The following AFF2 variants were observed in gnomAD, a reference collection of about 807,000 sequenced individuals.
AFF2 encodes the protein AF4/FMR2 family member 2.
AFF2 carries 14 observed loss-of-function variants against 76.9 expected under a neutral mutation model. The ratio of observed to expected loss-of-function variants is 0.18; its 90% CI spans 0.12 to 0.28. The LOEUF is 0.28. Among genes scored for constraint, AFF2 ranks in the 10% least tolerant of loss-of-function variants. The pLI is 1.00. For missense variants in AFF2, 868 were observed against 1,001.1 expected (o/e 0.87, Z 1.79); for synonymous variants, 398 against 366.7 (o/e 1.09, Z -0.98).
chrX:148,588,732 GTCT>G (rs782489895), intron 1 of AFF2, among the ~76,000 whole-genome samples: 52 of 111,792 alleles, frequency 4.7e-4, no homozygotes, highest in Non-Finnish European at 9.0e-4. Context: ...CCATGCCACT[GTCT>G]TCTTCTTTTT....
intron 1 of AFF2, among the ~76,000 whole-genome samples, chrX:148,609,182 G>A (rs1222849333): frequency 1.8e-5 from 2 of 111,343 alleles, no homozygotes; most frequent in Admixed American, 1.9e-4. Context: ...GGGTCTGTGA[G>A]AGCTTAATCA....
At chrX:148,537,160 C>A (rs2052794809) in intron 1 of AFF2, among the ~76,000 whole-genome samples, 1 of 112,268 alleles carries the variant, frequency 8.9e-6, no homozygotes, top group Non-Finnish European at 1.9e-5. Context: ...GAATGTGTGT[C>A]TTTCTTGCTT....
At chrX:148,671,201 C>A (rs2054419944) in intron 3 of AFF2, among the ~76,000 whole-genome samples, 1 of 111,296 alleles carries the variant, frequency 9.0e-6, no homozygotes, top group African/African-American at 3.3e-5. Context: ...TGGAAAGAAA[C>A]CAAAAGATTG....
chrX:148,902,988 T>A (rs781947498), intron 8 of AFF2, among the ~76,000 whole-genome samples: 9 of 111,108 alleles, frequency 8.1e-5, no homozygotes, highest in African/African-American at 1.3e-4. Flanking sequence ...ATGTTGAATA[T>A]CACTTGTCAC....
intron 7 of AFF2, among the ~76,000 whole-genome samples, chrX:148,844,497 A>G (rs2070641134): frequency 8.9e-6 from 1 of 112,213 alleles, no homozygotes; most frequent in Admixed American, 9.4e-5. Flanking sequence ...AGAGAGTATC[A>G]AGGGAGTATT....
chrX:148,903,821 CCCATGACCATT>C (rs1557281148), intron 8 of AFF2, among the ~76,000 whole-genome samples: 1 of 111,406 alleles, frequency 9.0e-6, no homozygotes, highest in Non-Finnish European at 1.9e-5. Flanking sequence ...CCAGGATATG[CCCATGACCATT>C]CCGTCTGCAT....
intron 3 of AFF2, among the ~76,000 whole-genome samples, chrX:148,734,799 T>A: frequency 8.9e-6 from 1 of 112,239 alleles, no homozygotes; most frequent in East Asian, 2.8e-4. Flanking sequence ...TGTGCATTTG[T>A]ATTTTTTGTG....
intron 9 of AFF2, among the ~76,000 whole-genome samples, chrX:148,925,156 C>T (rs781869912): frequency 7.1e-5 from 8 of 112,439 alleles, no homozygotes; most frequent in Non-Finnish European, 1.5e-4. Flanking sequence ...CTGTAAATCC[C>T]TATCTGCTAA....
chrX:148,770,338 G>A (rs2069571787), intron 3 of AFF2, among the ~76,000 whole-genome samples: 1 of 111,568 alleles, frequency 9.0e-6, no homozygotes, highest in Non-Finnish European at 1.9e-5. Flanking sequence ...TGGACATCCT[G>A]AATTTGAAAA....
chrX:148,838,045 G>A (rs1486919530), intron 5 of AFF2, among the ~76,000 whole-genome samples: 2 of 111,639 alleles, frequency 1.8e-5, no homozygotes, highest in African/African-American at 6.5e-5. Context: ...TGATGGAACA[G>A]CAACGTTCAA....
chrX:148,701,210 G>A (rs2054794662), intron 3 of AFF2, among the ~76,000 whole-genome samples: 1 of 111,153 alleles, frequency 9.0e-6, no homozygotes, highest in Non-Finnish European at 1.9e-5. Context: ...GTGGTTTTTC[G>A]CAGACAAAAT....
chrX:148,784,351 C>G (rs1268105775), intron 3 of AFF2, among the ~76,000 whole-genome samples: 1 of 111,772 alleles, frequency 8.9e-6, no homozygotes, highest in Non-Finnish European at 1.9e-5. Context: ...ACCCACGACT[C>G]AAGAAAAATG....
intron 3 of AFF2, among the ~76,000 whole-genome samples, chrX:148,726,883 A>G (rs1414841868): frequency 9.0e-6 from 1 of 111,141 alleles, no homozygotes; most frequent in Non-Finnish European, 1.9e-5. Flanking sequence ...CAGGGCACAC[A>G]TGGTCCCCAT....
rs1407405496 is a variant in AFF2, at chrX:148,830,339, A to T, written c.1087-7308A>T. ...CACAGCAGCCTGGCTACATTCTGGC[A>T]CACCACACTGGGAGCAGCAGCCTGT... On this transcript the variant is annotated intron_variant, in intron 4 of 20. Coordinates refer to ENST00000370460, the MANE Select transcript of AFF2 (RefSeq NM_002025.4). 1.8e-4 allele frequency among the ~76,000 whole-genome samples: 20 copies of T among 112,383 alleles called. No homozygotes were observed. The Admixed American group carries it at 1.9e-3, about 11-fold the overall frequency.
At chrX:148,939,936 G>C (rs782638038) in intron 9 of AFF2, among the ~76,000 whole-genome samples, 2 of 112,194 alleles carry the variant, frequency 1.8e-5, no homozygotes, top group Non-Finnish European at 3.8e-5. Context: ...TTTAGGCACA[G>C]TTACCTGAAA....
chrX:148,676,681 G>A (rs1250820802), intron 3 of AFF2, among the ~76,000 whole-genome samples: 1 of 112,109 alleles, frequency 8.9e-6, no homozygotes, highest in African/African-American at 3.2e-5. Flanking sequence ...CTTGAGGCTA[G>A]CTCTTGGAGT....
At chrX:148,772,526 TTTTC>T (rs1344496719) in intron 3 of AFF2, among the ~76,000 whole-genome samples, 4 of 83,213 alleles carry the variant, frequency 4.8e-5, no homozygotes, top group Non-Finnish European at 4.5e-5. Context: ...TCTTTCTTTT[TTTTC>T]TTTCTTTCTT....
chrX:148,561,953 A>G (rs2053117934), intron 1 of AFF2, among the ~76,000 whole-genome samples: 1 of 111,888 alleles, frequency 8.9e-6, no homozygotes, highest in African/African-American at 3.3e-5. Flanking sequence ...AGTAAAAGTC[A>G]ATGTTGAAGT....
At chrX:148,639,777 G>T (rs1320019867) in intron 1 of AFF2, among the ~76,000 whole-genome samples, 1 of 111,739 alleles carries the variant, frequency 8.9e-6, no homozygotes. Flanking sequence ...AGAAAAGCAA[G>T]CATTTTCTGT....
Sources: allele counts gnomAD v4.1 joint callset (sites outside exome capture counted in the v4.1 genomes callset), GRCh38; gene constraint gnomAD v4.1.1; transcripts MANE v1.5; gene names NCBI Gene and HGNC (gene_info 2026-07-23, HGNC 2026-07-21).